APBB2: variants seen among roughly 807,000 people sequenced by gnomAD.
APBB2 encodes the protein Fe65-like 1.
Under a neutral mutation model 82.5 loss-of-function variants are expected in APBB2, and 38 were observed. The observed-to-expected ratio is 0.46, with a 90% CI of 0.36 to 0.60. The LOEUF is 0.60. Ranked by LOEUF, APBB2 falls within the 20% of genes least tolerant of loss-of-function variation. The probability of loss-of-function intolerance (pLI) is 0.00; values close to 1 mark genes in which losing one functional copy is unlikely to be tolerated. For missense variants in APBB2, 772 were observed against 972.3 expected (o/e 0.79, Z 2.74); for synonymous variants, 341 against 368.2 (o/e 0.93, Z 0.85).
intron 6 of APBB2, among the ~76,000 whole-genome samples, chr4:41,004,607 C>T (rs1418920155): frequency 1.3e-5 from 2 of 151,378 alleles, no homozygotes; most frequent in African/African-American, 2.4e-5. Flanking sequence ...TTGGGCAAGG[C>T]GGGTGGATCA....
At chr4:40,920,243 C>T (rs1466998138) in intron 10 of APBB2, among the ~76,000 whole-genome samples, 2 of 152,192 alleles carry the variant, frequency 1.3e-5, no homozygotes, top group South Asian at 2.1e-4. Context: ...TTCCCCTGCA[C>T]ACCCTCTCTC....
At chr4:40,955,094 A>C (rs1357783862) in intron 6 of APBB2, among the ~76,000 whole-genome samples, 1 of 152,236 alleles carries the variant, frequency 6.6e-6, no homozygotes, top group Non-Finnish European at 1.5e-5. Flanking sequence ...TATTATTTAG[A>C]AGCTGGGAAT....
chr4:41,007,142 A>G (rs1364359732), intron 6 of APBB2, among the ~76,000 whole-genome samples: 1 of 152,080 alleles, frequency 6.6e-6, no homozygotes, highest in African/African-American at 2.4e-5. Context: ...GTTGATTGGA[A>G]GTGGGGCCTT....
intron 2 of APBB2, among the ~76,000 whole-genome samples, chr4:41,132,158 T>G (rs1756204122): frequency 6.6e-6 from 1 of 152,110 alleles, no homozygotes; most frequent in Admixed American, 6.6e-5. Flanking sequence ...TTATCTACAT[T>G]GTAAAAAAAA....
intron 1 of APBB2, among the ~76,000 whole-genome samples, chr4:41,209,954 G>T (rs1778921000): frequency 6.6e-6 from 1 of 152,224 alleles, no homozygotes; most frequent in South Asian, 2.1e-4. Context: ...CACGGATGGG[G>T]TTGGGGATTG....
At chr4:41,083,977 A>C (rs1034730056) in intron 3 of APBB2, among the ~76,000 whole-genome samples, 2 of 152,214 alleles carry the variant, frequency 1.3e-5, no homozygotes, top group African/African-American at 4.8e-5. Flanking sequence ...TCAAATTTTA[A>C]AGATATTAAA....
At chr4:41,029,017 C>G (rs1715612187) in intron 5 of APBB2, among the ~76,000 whole-genome samples, 2 of 152,306 alleles carry the variant, frequency 1.3e-5, no homozygotes, top group East Asian at 1.9e-4. Flanking sequence ...CCCTTTACTC[C>G]CGCGACATGC....
intron 6 of APBB2, among the ~76,000 whole-genome samples, chr4:40,988,716 T>C (rs2154409027): frequency 6.7e-6 from 1 of 149,088 alleles, no homozygotes; most frequent in South Asian, 2.1e-4. Context: ...TAATTAATAT[T>C]ACTGTGACGA....
chr4:41,009,937 A>AT (rs1807849617), intron 6 of APBB2, among the ~76,000 whole-genome samples: 1 of 152,224 alleles, frequency 6.6e-6, no homozygotes, highest in Admixed American at 6.5e-5. Flanking sequence ...ATTATTTTAA[A>AT]CACTAACAGT....
rs11421268 is a variant in APBB2, at chr4:41,032,778, CTTTTTT to C, written c.19+452_19+457del. On this transcript the variant is annotated intron_variant, in intron 5 of 17. Transcript: ENST00000508593. ...TGATTTTAAAGATTCATTTTTCTTT[CTTTTTT>C]TTTTTTTTTTTTTTTTTTGAGACGG... 2.5e-3 allele frequency among the ~76,000 whole-genome samples: 208 copies of C among 84,312 alleles called. 1 individual carries two copies. In the Middle Eastern group the frequency reaches 0.043, roughly 17 times the overall value. 55.3% of individuals were successfully genotyped at this position (84,312 alleles called of 152,430 possible). A position where few individuals can be genotyped will look rare whatever the true frequency, so the allele number is the denominator to read the frequency against.
intron 12 of APBB2, among the ~76,000 whole-genome samples, chr4:40,837,461 C>T (rs1754354792): frequency 6.6e-6 from 1 of 152,234 alleles, no homozygotes; most frequent in Non-Finnish European, 1.5e-5. Context: ...TTCAGCATCT[C>T]GTCTGTAAAA....
At chr4:41,105,885 CAAA>C (rs34109241) in intron 2 of APBB2, among the ~76,000 whole-genome samples, 2 of 114,526 alleles carry the variant, frequency 1.7e-5, no homozygotes, top group Admixed American at 9.7e-5. Flanking sequence ...GACCCCGTCT[CAAA>C]AAAAAAAAAA....
intron 6 of APBB2, among the ~76,000 whole-genome samples, chr4:40,993,337 A>G (rs1399064839): frequency 6.6e-6 from 1 of 150,736 alleles, no homozygotes; most frequent in Non-Finnish European, 1.5e-5. Context: ...TCTGGAGCAC[A>G]GGAGCAATTA....
intron 2 of APBB2, among the ~76,000 whole-genome samples, chr4:41,123,264 C>T (rs1241080322): frequency 6.6e-6 from 1 of 151,922 alleles, no homozygotes; most frequent in Non-Finnish European, 1.5e-5. Context: ...AGCAGACAGC[C>T]GGCACTCACT....
intron 10 of APBB2, among the ~76,000 whole-genome samples, chr4:40,919,071 G>C (rs1023156235): frequency 6.6e-6 from 1 of 152,180 alleles, no homozygotes; most frequent in African/African-American, 2.4e-5. Context: ...TACAAGGAAA[G>C]GAAGGCTGGT....
intron 5 of APBB2, among the ~76,000 whole-genome samples, chr4:41,025,848 A>T (rs1272714006): frequency 8.9e-6 from 1 of 112,852 alleles, no homozygotes; most frequent in Non-Finnish European, 1.7e-5. Context: ...TGAAGCTGGG[A>T]TGGTGGGGGG....
chr4:40,829,364 G>C (rs1751055925), intron 13 of APBB2, among the ~76,000 whole-genome samples: 2 of 152,226 alleles, frequency 1.3e-5, no homozygotes, highest in South Asian at 4.1e-4. Context: ...TGGCTGCAGA[G>C]ACGGGGGTGG....
At position 40,815,073 on chromosome 4, in the gene APBB2, G is replaced by C. The variant is rs182308878; in HGVS notation, c.*1019C>G. ...GCTGGATGCAGAATTCCAGCAGAAC[G>C]TTTACCTCTAGCACATGGACTAGCA... On this transcript the variant is annotated 3_prime_UTR_variant, in exon 18 of 18. Transcript: ENST00000508593. 2 of 152,528 alleles carry C rather than the reference G, an allele frequency of 1.3e-5. No individual in the cohort carries two copies. The highest frequency in any genetic ancestry group is 2.9e-5 in the Non-Finnish European group (2 of 68,016). The allele number at this position is 152,528 out of a possible 1,614,324, so 9.4% of individuals were successfully genotyped here.
intron 12 of APBB2, among the ~76,000 whole-genome samples, chr4:40,887,603 C>T (rs1770693119): frequency 6.6e-6 from 1 of 152,150 alleles, no homozygotes; most frequent in Non-Finnish European, 1.5e-5. Flanking sequence ...ACAAAGACCC[C>T]TTCTTCTGGG....
Sources: allele counts gnomAD v4.1 joint callset (sites outside exome capture counted in the v4.1 genomes callset), GRCh38; gene constraint gnomAD v4.1.1; transcripts MANE v1.5; gene names NCBI Gene and HGNC (gene_info 2026-07-23, HGNC 2026-07-21).